CEP70: variants seen among roughly 807,000 people sequenced by gnomAD.
The protein encoded by CEP70 is centrosomal protein 70, also known as centrosomal protein of 70 kDa.
CEP70 carries 70 observed loss-of-function variants against 90.9 expected under a neutral mutation model. That is an observed-to-expected ratio of 0.77 (90% CI 0.64 to 0.94). The LOEUF (loss-of-function observed/expected upper bound fraction) is 0.94. CEP70 is among the 40% of genes least tolerant of loss of function. The pLI is 0.00. For synonymous variants in CEP70, 220 were observed against 228.3 expected, an observed-to-expected ratio of 0.96 and a Z score of 0.33; for missense variants, 648 against 669.0, an observed-to-expected ratio of 0.97 and a Z score of 0.35.
rs192205817 is a variant in CEP70 at position 138,523,176 on chromosome 3, C to G, written c.944+2314G>C. On this transcript the variant is annotated intron_variant, in intron 11 of 17. Coordinates refer to ENST00000264982, the MANE Select transcript of CEP70 (RefSeq NM_024491.4). Reference sequence around the variant, plus strand: ...AAGGCCTTTGACAAAATTCAACAACCCTTCATGCTAAAATCGCTCAATAAA... The same window carrying G: ...AAGGCCTTTGACAAAATTCAACAACGCTTCATGCTAAAATCGCTCAATAAA... 6.2e-3 allele frequency among the ~76,000 whole-genome samples: 739 copies of G among 118,512 alleles called. 5 individuals are homozygous for G. Among genetic ancestry groups the G allele is most frequent in the African/African-American group, 0.037 (709 of 19,352 alleles). 77.7% of individuals were successfully genotyped at this position (118,512 alleles called of 152,430 possible).
intron 2 of CEP70, among the ~76,000 whole-genome samples, chr3:138,575,080 C>G (rs540089286): frequency 7.9e-4 from 120 of 152,272 alleles, no homozygotes; most frequent in African/African-American, 2.8e-3. Flanking sequence ...AGCAACAGAA[C>G]AAAGCTGGAT....
At chr3:138,547,321 T>C (rs893160725) in intron 6 of CEP70, among the ~76,000 whole-genome samples, 9 of 152,220 alleles carry the variant, frequency 5.9e-5, no homozygotes, top group African/African-American at 1.9e-4. Context: ...AAACTTCAAA[T>C]AGTACTGAAC....
intron 3 of CEP70, among the ~76,000 whole-genome samples, chr3:138,571,766 C>A (rs531819160): frequency 4.3e-4 from 65 of 152,230 alleles, no homozygotes; most frequent in African/African-American, 1.5e-3. Flanking sequence ...TGAGTCACTT[C>A]TAAGTATCAC....
intron 2 of CEP70, among the ~76,000 whole-genome samples, chr3:138,582,967 C>T (rs1287589313): frequency 6.6e-6 from 1 of 151,812 alleles, no homozygotes; most frequent in African/African-American, 2.4e-5. Flanking sequence ...CACAAAACAA[C>T]CAGAAAACAA....
intron 6 of CEP70, among the ~76,000 whole-genome samples, chr3:138,564,260 C>T (rs1369317766): frequency 1.1e-4 from 16 of 152,156 alleles, no homozygotes; most frequent in Admixed American, 8.5e-4. Flanking sequence ...GTGAATTCTA[C>T]CAGATGTACA....
At chr3:138,567,730 G>C (rs537644965) in intron 6 of CEP70, among the ~76,000 whole-genome samples, 1 of 152,264 alleles carries the variant, frequency 6.6e-6, no homozygotes, top group Admixed American at 6.5e-5. Context: ...GGGGGTGGCT[G>C]TTGTTAAGAT....
At chr3:138,497,346 AT>A (rs1377816322) in intron 17 of CEP70, 6 of 1,247,282 alleles carry the variant, frequency 4.8e-6, no homozygotes, top group East Asian at 1.1e-4. Context: ...AAAAAAAAAA[AT>A]CTTTCAAATG....
At chr3:138,500,304 C>A in intron 15 of CEP70, 80 bp from the exon 16 acceptor site, 1 of 1,497,616 alleles carries the variant, frequency 6.7e-7, no homozygotes, top group South Asian at 1.2e-5. Context: ...CTTCAGTTAT[C>A]CTCAATTTTT....
At chr3:138,545,774 C>A (rs920630570) in intron 6 of CEP70, among the ~76,000 whole-genome samples, 3 of 152,036 alleles carry the variant, frequency 2.0e-5, no homozygotes, top group South Asian at 2.1e-4. Flanking sequence ...CTGTCTTATG[C>A]GGTTGAGATA....
chr3:138,519,864 T>C (rs2036438392), intron 11 of CEP70, among the ~76,000 whole-genome samples: 1 of 152,134 alleles, frequency 6.6e-6, no homozygotes, highest in East Asian at 1.9e-4. Context: ...GGCTAAATGC[T>C]CCAATTAAAA....
chr3:138,586,734 A>G (rs2042123057), intron 2 of CEP70, among the ~76,000 whole-genome samples: 1 of 152,210 alleles, frequency 6.6e-6, no homozygotes, highest in South Asian at 2.1e-4. Flanking sequence ...GTACAAAAAA[A>G]TAGAAAAAAA....
chr3:138,583,303 G>C (rs2041959059), intron 2 of CEP70, among the ~76,000 whole-genome samples: 1 of 152,158 alleles, frequency 6.6e-6, no homozygotes, highest in Non-Finnish European at 1.5e-5. Context: ...GGAGTACCCT[G>C]ATATATAAAG....
chr3:138,521,367 GTC>G (rs1460741201), intron 11 of CEP70, among the ~76,000 whole-genome samples: 2 of 148,436 alleles, frequency 1.3e-5, no homozygotes, highest in Non-Finnish European at 3.0e-5. Flanking sequence ...AGTGAGGAGC[GTC>G]TCTGCCTGGC....
rs777158157 is a variant in CEP70, at chr3:138,537,313, T to G, written c.500A>C (p.Glu167Ala). The G allele has an allele frequency of 6.2e-6, 10 of 1,600,066 alleles. No homozygotes were observed. The highest frequency in any genetic ancestry group is 3.5e-5 in the Admixed American group (2 of 56,540). Residue 167 changes from glutamate to alanine, a missense_variant, in exon 7 of 18, where the codon GAG becomes GCG. Physicochemically the swap from Glu to Ala is moderately radical, Grantham distance 107 (BLOSUM62 -1). Transcript: ENST00000264982. ...CAAAGAAGCAATAGTTTCTTCTTGC[T>G]CCGTTCGTTTTTTCTTATAATGCTG... ...KCQHYKKKRT[E>A]QEETIASLQM...
intron 17 of CEP70, chr3:138,495,904 A>G: frequency 1.0e-6 from 1 of 985,390 alleles, no homozygotes; most frequent in South Asian, 4.7e-5. Context: ...TCGAGTGTAC[A>G]AACCTCAAGT....
intron 17 of CEP70, chr3:138,495,898 G>A (rs2033925749): frequency 1.0e-6 from 1 of 985,140 alleles, no homozygotes; most frequent in Non-Finnish European, 1.2e-6. Flanking sequence ...GCCTCATCGA[G>A]TGTACAAACC....
chr3:138,532,605 CGG>C, intron 7 of CEP70, 35 bp from the exon 8 acceptor site: 4 of 1,417,742 alleles, frequency 2.8e-6, no homozygotes, highest in South Asian at 1.4e-5. Flanking sequence ...TTTCAAAATG[CGG>C]TATGGTATTA....
At chr3:138,513,961 A>C (rs368635004) in intron 11 of CEP70, among the ~76,000 whole-genome samples, 27 of 152,068 alleles carry the variant, frequency 1.8e-4, no homozygotes, top group African/African-American at 6.3e-4. Context: ...CTAAAAAAAA[A>C]AAACAAACAA....
chr3:138,560,708 G>A (rs13093668), intron 6 of CEP70, among the ~76,000 whole-genome samples: 17,964 of 152,014 alleles, frequency 0.12, 2,190 homozygotes, highest in East Asian at 0.38. Flanking sequence ...CACCACTGCT[G>A]AGGCTTGAGT....
Sources: allele counts gnomAD v4.1 joint callset (sites outside exome capture counted in the v4.1 genomes callset), GRCh38; gene constraint gnomAD v4.1.1; transcripts MANE v1.5; gene names NCBI Gene and HGNC (gene_info 2026-07-23, HGNC 2026-07-21).